Variants in PUM2 observed in about 807,000 individuals in gnomAD.
PUM2 encodes the protein pumilio homolog 2.
A neutral mutation model predicts 124.5 loss-of-function variants in PUM2; 57 were observed. That is an observed-to-expected ratio of 0.46 (90% CI 0.37 to 0.57). The LOEUF (loss-of-function observed/expected upper bound fraction) is 0.57, where lower values mean the gene tolerates loss of function less well. Ranked by LOEUF, PUM2 falls within the 20% of genes least tolerant of loss-of-function variation. The probability of loss-of-function intolerance (pLI) is 0.00; values close to 1 mark genes in which losing one functional copy is unlikely to be tolerated. For synonymous variants in PUM2, 460 were observed against 446.1 expected (o/e 1.03, Z -0.39); for missense variants, 1,065 against 1,290.6 (o/e 0.83, Z 2.68).
In PUM2 at chr2:20,340,546, G is replaced by A. The variant is rs543114717; in HGVS notation, c.-19+10051C>T. Among the ~76,000 whole-genome samples, 10 of 152,364 alleles carry A rather than the reference G, an allele frequency of 6.6e-5. No homozygotes were observed. The South Asian group carries it at 1.0e-3, about 16-fold the overall frequency. ...TCTCAAACACTTACAACACACATCA[G>A]AGTCCAGGTAGGAGGATTTTATAAA... On this transcript the variant is annotated intron_variant, in intron 1 of 20. Transcript: ENST00000361078.
At chr2:20,261,808 C>T (rs1666365875) in intron 14 of PUM2, among the ~76,000 whole-genome samples, 1 of 152,174 alleles carries the variant, frequency 6.6e-6, no homozygotes, top group South Asian at 2.1e-4. Flanking sequence ...TTTCGTACAG[C>T]TGTACAATGT....
chr2:20,334,779 G>T (rs1250346389), intron 1 of PUM2, among the ~76,000 whole-genome samples: 2 of 152,240 alleles, frequency 1.3e-5, no homozygotes, highest in African/African-American at 4.8e-5. Flanking sequence ...ACTTCACACA[G>T]GCACTACTTC....
At chr2:20,280,735 CTA>C (rs1238361711) in intron 12 of PUM2, among the ~76,000 whole-genome samples, 1 of 152,096 alleles carries the variant, frequency 6.6e-6, no homozygotes, top group Non-Finnish European at 1.5e-5. Flanking sequence ...AACAGTATGA[CTA>C]TGAGATATGA....
intron 10 of PUM2, among the ~76,000 whole-genome samples, chr2:20,284,592 G>T (rs765729635): frequency 2.6e-5 from 4 of 151,540 alleles, no homozygotes; most frequent in Non-Finnish European, 4.4e-5. Flanking sequence ...TCCTGGGCCA[G>T]CGATCCTCCC....
intron 3 of PUM2, among the ~76,000 whole-genome samples, chr2:20,313,574 G>A (rs147317360): frequency 5.7e-4 from 87 of 152,160 alleles, no homozygotes; most frequent in Admixed American, 2.9e-3. Flanking sequence ...GGGCTCATAC[G>A]TGCTATCCCA....
intron 15 of PUM2, 80 bp from the exon 16 acceptor site, chr2:20,258,451 C>A (rs1391880858): frequency 2.8e-6 from 4 of 1,416,988 alleles, no homozygotes; most frequent in South Asian, 1.3e-5. Flanking sequence ...TGTTTGCAGT[C>A]TATTCATTCT....
chr2:20,325,359 G>C (rs1683415778), intron 2 of PUM2, among the ~76,000 whole-genome samples: 1 of 152,140 alleles, frequency 6.6e-6, no homozygotes, highest in Admixed American at 6.5e-5. Flanking sequence ...CTCCATATCT[G>C]ACATGTCCAA....
At chr2:20,351,303 T>G (rs1689317814), upstream of PUM2, among the ~76,000 whole-genome samples, 1 of 152,144 alleles carries the variant, frequency 6.6e-6, no homozygotes, top group Non-Finnish European at 1.5e-5. Context: ...GAGCCGGACG[T>G]TAATTCAGGC....
At chr2:20,309,538 T>G (rs1679135572) in intron 5 of PUM2, among the ~76,000 whole-genome samples, 1 of 152,112 alleles carries the variant, frequency 6.6e-6, no homozygotes, top group Non-Finnish European at 1.5e-5. Flanking sequence ...TATTAACACC[T>G]TCATGGTCTA....
intron 7 of PUM2, among the ~76,000 whole-genome samples, chr2:20,305,452 A>T (rs1489616414): frequency 8.7e-6 from 1 of 115,202 alleles, no homozygotes; most frequent in African/African-American, 3.3e-5. Flanking sequence ...ACAGAGTAAG[A>T]CCCTGTCTTC....
intron 13 of PUM2, among the ~76,000 whole-genome samples, chr2:20,275,069 AT>A (rs1669939436): frequency 1.3e-5 from 2 of 151,630 alleles, no homozygotes; most frequent in South Asian, 4.2e-4. Flanking sequence ...AAATAACTCA[AT>A]ATTTAATATT....
intron 20 of PUM2, among the ~76,000 whole-genome samples, chr2:20,253,449 A>C (rs943264060): frequency 2.6e-5 from 4 of 151,822 alleles, no homozygotes; most frequent in Non-Finnish European, 4.4e-5. Context: ...GTGGTCTCCC[A>C]CCACAGCCTC....
Position 20,255,260 on chromosome 2 carries a change from G to A in PUM2, c.2704C>T (p.Pro902Ser). The A allele has an allele frequency of 3.1e-6, 5 of 1,604,832 alleles. No individual in the cohort carries two copies. Among genetic ancestry groups the A allele is most frequent in the Non-Finnish European group, 4.3e-6 (5 of 1,171,644 alleles). The change falls in exon 18 of 21, where the codon CCT (proline) becomes TCT (serine). Residue 902 changes from proline to serine, a missense_variant. Coordinates refer to ENST00000361078, the MANE Select transcript of PUM2 (RefSeq NM_015317.5). ...TGTTGGTGGAGTTCTTCTAAGATAG[G>A]TAAGGTCTGTTCTGCAGTGCAATGC... ...LEHCTAEQTL[P>S]ILEELHQHTE...
chr2:20,345,123 A>T, intron 1 of PUM2, among the ~76,000 whole-genome samples: 1 of 144,800 alleles, frequency 6.9e-6, no homozygotes, highest in Non-Finnish European at 1.5e-5. Context: ...CCGGGGAGAC[A>T]GGGCCTCCCT....
At chr2:20,350,399 A>C (rs1573073058) in intron 1 of PUM2, 198 bp downstream of exon 1, 8 of 760,548 alleles carry the variant, frequency 1.1e-5, no homozygotes, top group Non-Finnish European at 1.1e-5. Context: ...CCTCCCCCGC[A>C]CGCGCACACC....
chr2:20,343,949 A>G (rs1459021291), intron 1 of PUM2, among the ~76,000 whole-genome samples: 1 of 152,206 alleles, frequency 6.6e-6, no homozygotes, highest in East Asian at 1.9e-4. Flanking sequence ...ATCAGAGAAA[A>G]AAAAAGCAAT....
At chr2:20,258,596 C>T (rs183377089) in intron 15 of PUM2, among the ~76,000 whole-genome samples, 1 of 148,304 alleles carries the variant, frequency 6.7e-6, no homozygotes, top group East Asian at 2.0e-4. Flanking sequence ...AATATGTTAA[C>T]TACCTTTTAA....
At chr2:20,321,806 A>G (rs1682443466) in intron 2 of PUM2, among the ~76,000 whole-genome samples, 1 of 152,184 alleles carries the variant, frequency 6.6e-6, no homozygotes, top group Non-Finnish European at 1.5e-5. Context: ...ACTTCATATT[A>G]GTTCCCTACT....
At chr2:20,339,835 A>G (rs1686883689) in intron 1 of PUM2, among the ~76,000 whole-genome samples, 1 of 152,184 alleles carries the variant, frequency 6.6e-6, no homozygotes. Flanking sequence ...AGCCGAGATC[A>G]TGTGAGCCGA....
Sources: allele counts gnomAD v4.1 joint callset (sites outside exome capture counted in the v4.1 genomes callset), GRCh38; gene constraint gnomAD v4.1.1; transcripts MANE v1.5; gene names NCBI Gene and HGNC (gene_info 2026-07-23, HGNC 2026-07-21).